Variants in NOX4 observed in about 807,000 individuals in gnomAD.
NOX4 encodes the protein kidney oxidase-1.
A neutral mutation model predicts 87.6 loss-of-function variants in NOX4; 69 were observed. That is an observed-to-expected ratio of 0.79 (90% CI 0.65 to 0.96). The LOEUF (loss-of-function observed/expected upper bound fraction) is 0.96. NOX4 is among the 40% of genes least tolerant of loss of function. NOX4 has a pLI of 0.00. For synonymous variants in NOX4, 275 were observed against 238.2 expected, an observed-to-expected ratio of 1.15 and a Z score of -1.42; for missense variants, 680 against 681.5, an observed-to-expected ratio of 1.00 and a Z score of 0.02.
chr11:89,364,999 T>A (rs1226385368), intron 12 of NOX4, among the ~76,000 whole-genome samples: 2 of 152,090 alleles, frequency 1.3e-5, no homozygotes, highest in African/African-American at 4.8e-5. Flanking sequence ...TCCACTGCCG[T>A]CATACTGCCT....
chr11:89,421,861 G>T, intron 8 of NOX4, 41 bp downstream of exon 8: 1 of 1,225,638 alleles, frequency 8.2e-7, no homozygotes, highest in Non-Finnish European at 1.1e-6. Flanking sequence ...ACCCCATTTT[G>T]GGGCACAAAT....
chr11:89,421,553 T>A (rs7125430), intron 8 of NOX4, among the ~76,000 whole-genome samples: 2 of 151,910 alleles, frequency 1.3e-5, no homozygotes, highest in Non-Finnish European at 2.9e-5. Flanking sequence ...AGCAGGACAG[T>A]TTCAGGAAAT....
chr11:89,414,881 G>A (rs10830270), intron 8 of NOX4, among the ~76,000 whole-genome samples: 61,693 of 150,886 alleles, frequency 0.41, 13,006 homozygotes, highest in East Asian at 0.55. Context: ...AACTTACATG[G>A]ACGAATAGAA....
chr11:89,405,586 G>C (rs1165727117), intron 8 of NOX4, among the ~76,000 whole-genome samples: 1 of 149,724 alleles, frequency 6.7e-6, no homozygotes, highest in Non-Finnish European at 1.5e-5. Context: ...AAGAAATATG[G>C]ATAAGATCTA....
At chr11:89,474,309 CT>C (rs1045976673) in intron 2 of NOX4, among the ~76,000 whole-genome samples, 9 of 151,864 alleles carry the variant, frequency 5.9e-5, no homozygotes, top group East Asian at 1.9e-4. Flanking sequence ...CAAATTTAAT[CT>C]TTTTTTTCTC....
chr11:89,529,908 T>C, the NOX4 span, among the ~76,000 whole-genome samples: 3 of 152,160 alleles, frequency 2.0e-5, no homozygotes, highest in Admixed American at 6.5e-5. Context: ...GGCTCCCATT[T>C]CACTCAATTT....
chr11:89,426,184 G>C (rs1248882187), intron 7 of NOX4, among the ~76,000 whole-genome samples: 5 of 152,144 alleles, frequency 3.3e-5, no homozygotes, highest in Non-Finnish European at 7.4e-5. Context: ...AGAACATCAT[G>C]TTAATTTACA....
intron 2 of NOX4, among the ~76,000 whole-genome samples, chr11:89,462,818 G>T (rs548881129): frequency 6.6e-6 from 1 of 151,832 alleles, no homozygotes; most frequent in East Asian, 1.9e-4. Flanking sequence ...AGTTAGAAAT[G>T]AATCAAAACA....
chr11:89,366,705 A>G (rs925302977), intron 12 of NOX4, among the ~76,000 whole-genome samples: 4 of 151,936 alleles, frequency 2.6e-5, no homozygotes, highest in Middle Eastern at 3.4e-3. Flanking sequence ...GAAAAGAAAA[A>G]AAAAAAAAAA....
At chr11:89,468,992 A>G (rs1945817793) in intron 2 of NOX4, among the ~76,000 whole-genome samples, 1 of 152,176 alleles carries the variant, frequency 6.6e-6, no homozygotes, top group African/African-American at 2.4e-5. Context: ...AGCCTCCCAA[A>G]GTGCTAGTAT....
At chr11:89,331,226 T>G (rs193008523) in intron 17 of NOX4, among the ~76,000 whole-genome samples, 2 of 151,860 alleles carry the variant, frequency 1.3e-5, no homozygotes, top group Admixed American at 1.3e-4. Context: ...TTAGACAACA[T>G]TTTAAAATAA....
chr11:89,581,058 A>C, the NOX4 span, among the ~76,000 whole-genome samples: 2 of 152,204 alleles, frequency 1.3e-5, no homozygotes, highest in Non-Finnish European at 2.9e-5. Context: ...AAAATAATAA[A>C]TTGTGTCTGA....
intron 12 of NOX4, among the ~76,000 whole-genome samples, chr11:89,357,753 G>A (rs1467803984): frequency 6.6e-6 from 1 of 152,036 alleles, no homozygotes; most frequent in Non-Finnish European, 1.5e-5. Context: ...AACAAAATTC[G>A]GAATTCTTAA....
intron 2 of NOX4, among the ~76,000 whole-genome samples, chr11:89,456,240 A>T (rs1267515499): frequency 6.6e-6 from 1 of 152,196 alleles, no homozygotes; most frequent in Non-Finnish European, 1.5e-5. Flanking sequence ...GGTAAATCTA[A>T]GCAAGCTTCA....
chr11:89,494,639 A>G (rs549640533), upstream of NOX4, among the ~76,000 whole-genome samples: 8 of 152,112 alleles, frequency 5.3e-5, no homozygotes, highest in Non-Finnish European at 1.2e-4. Flanking sequence ...TCAAATCCCA[A>G]TTTCTCAAGC....
the NOX4 span, among the ~76,000 whole-genome samples, chr11:89,573,775 G>A: frequency 1.3e-5 from 2 of 152,166 alleles, no homozygotes; most frequent in Non-Finnish European, 2.9e-5. Context: ...AACAAGTGTC[G>A]CATTCAGCTG....
At chr11:89,535,915 A>C in the NOX4 span, among the ~76,000 whole-genome samples, 1 of 152,134 alleles carries the variant, frequency 6.6e-6, no homozygotes, top group East Asian at 1.9e-4. Flanking sequence ...AAATTTCCAA[A>C]GATAGAAGCA....
chr11:89,577,463 A>G, the NOX4 span: 1 of 152,196 alleles, frequency 6.6e-6, no homozygotes, highest in East Asian at 1.9e-4. Context: ...AAGAGTTACT[A>G]TTTGAAGATC....
the NOX4 span, chr11:89,589,532 A>G: frequency 1.3e-5 from 2 of 152,236 alleles, no homozygotes; most frequent in East Asian, 3.9e-4. Flanking sequence ...AGGAGTAACA[A>G]CACATTCGGC....
Sources: gnomAD v4.1 joint callset for allele counts (sites outside exome capture counted in the v4.1 genomes callset) on GRCh38, gnomAD v4.1.1 for gene constraint, MANE v1.5 for transcripts, NCBI Gene and HGNC (gene_info 2026-07-23, HGNC 2026-07-21) for gene names.